CRABP2: variants seen among roughly 807,000 people sequenced by gnomAD.
The protein encoded by CRABP2 is cellular retinoic acid-binding protein 2.
Under a neutral mutation model 17.9 loss-of-function variants are expected in CRABP2, and 20 were observed. The ratio of observed to expected loss-of-function variants is 1.12; its 90% confidence interval spans 0.79 to 1.63. The LOEUF is 1.63. CRABP2 is among the 40% of genes most tolerant of loss of function. CRABP2 has a pLI of 0.00. For missense variants in CRABP2, 151 were observed against 168.6 expected (o/e 0.90, Z 0.58); for synonymous variants, 76 against 66.4 (o/e 1.14, Z -0.70).
rs1647999322 is a variant in CRABP2 at position 156,700,567 on chromosome 1, A to C, written c.341T>G (p.Leu114Arg). 6.2e-7 allele frequency: 1 copy of C among 1,613,944 alleles called. No homozygotes were observed. Among genetic ancestry groups the C allele is most frequent in the African/African-American group, 1.3e-5 (1 of 74,924 alleles). Residue 114 changes from leucine (L) to arginine (R), a missense_variant, in exon 3 of 4, where the codon CTG (leucine) becomes CGG (arginine). Transcript: ENST00000368222. ...EGPKTSWTRE[L>R]TNDGELILTM... Reference sequence around the variant, plus strand: ...CAGGATCAGTTCCCCATCGTTGGTCAGTTCTCTGGTCCACGAGGTCTTGGG... The same window carrying C: ...CAGGATCAGTTCCCCATCGTTGGTCCGTTCTCTGGTCCACGAGGTCTTGGG...
chr1:156,700,991 G>C lies in CRABP2; in HGVS notation c.132C>G (p.Ile44Met). 1 of 1,614,188 alleles carries C rather than the reference G, an allele frequency of 6.2e-7. No homozygotes were observed. Among genetic ancestry groups the C allele is most frequent in the Non-Finnish European group, 8.5e-7 (1 of 1,180,030 alleles). The change falls in exon 2 of 4, where the codon ATC (isoleucine) becomes ATG (methionine). Residue 44 changes from isoleucine to methionine, a missense_variant. Ile to Met is a conservative substitution (Grantham distance 10). Transcript: ENST00000368222. ...TGTAGAAAGTGTCTCCCTCCTGTTTGATCTCCACTGCTGGCTTGGACGCTG... is the reference window on the plus strand; with the variant it reads ...TGTAGAAAGTGTCTCCCTCCTGTTTCATCTCCACTGCTGGCTTGGACGCTG... ...VAAASKPAVE[I>M]KQEGDTFYIK...
At chr1:156,702,320 G>A (rs998428220) in intron 1 of CRABP2, among the ~76,000 whole-genome samples, 5 of 150,910 alleles carry the variant, frequency 3.3e-5, no homozygotes, top group Admixed American at 1.3e-4. Context: ...GCATAGTGGC[G>A]CGCACCTGTA....
rs773964617 is a variant in CRABP2, at chr1:156,701,047, T to G, written c.76A>C (p.Asn26His). 6.2e-7 allele frequency: 1 copy of G among 1,613,898 alleles called. No homozygotes were observed. The highest frequency in any genetic ancestry group is 1.3e-5 in the African/African-American group (1 of 74,910). Reference sequence around the variant, plus strand: ...ACAGCAATCTTCCTCAGCATCACATTCACCCCTGTGGGGAGAGAGGAGAGG... The same window carrying G: ...ACAGCAATCTTCCTCAGCATCACATGCACCCCTGTGGGGAGAGAGGAGAGG... ...FEELLKVLGV[N>H]VMLRKIAVAA... is the part of the protein sequence containing the mutation. Residue 26 changes from asparagine (N) to histidine (H), a missense_variant, in exon 2 of 4, where the codon AAT becomes CAT. Physicochemically the swap from Asn to His is moderately conservative, Grantham distance 68 (BLOSUM62 1). Transcript: ENST00000368222.
intron 2 of CRABP2, 80 bp downstream of exon 2, chr1:156,700,794 G>A: frequency 6.4e-7 from 1 of 1,559,430 alleles, no homozygotes; most frequent in Admixed American, 1.7e-5. Context: ...GAAGCTAGGA[G>A]TTAACTGCTA....
At chr1:156,700,170 C>T (rs913212378) in intron 3 of CRABP2, 94 bp from the exon 4 acceptor site, 7 of 1,311,630 alleles carry the variant, frequency 5.3e-6, no homozygotes, top group Non-Finnish European at 5.4e-6. Flanking sequence ...GCTTGGCCTC[C>T]AGGTCCAAAC....
At chr1:156,703,299 A>G (rs1277265809) in intron 1 of CRABP2, among the ~76,000 whole-genome samples, 2 of 152,120 alleles carry the variant, frequency 1.3e-5, no homozygotes, top group African/African-American at 4.8e-5. Flanking sequence ...GTGCACCTCC[A>G]TATCCCAGCC....
rs535113941 is a variant in CRABP2, at chr1:156,705,143, GA to G, written c.70+233del. On this transcript the variant is annotated intron_variant, in intron 1 of 3. Coordinates refer to ENST00000368222, the MANE Select transcript of CRABP2 (RefSeq NM_001878.4). The surrounding 1 kb of genome is among the most constrained non-coding windows in gnomAD (Gnocchi z 5.2). ...AACCTCGCGCTTCTGGTTTCTACGT[GA>G]TTCACAGGCCGTGAGTCACCGCAGT... Among the ~76,000 whole-genome samples the G allele has an allele frequency of 3.2e-4, 49 of 152,338 alleles. No individual in the cohort carries two copies. The highest frequency in any genetic ancestry group is 1.2e-3 in the African/African-American group (49 of 41,582).
chr1:156,700,552 T>A lies in CRABP2; in HGVS notation c.356A>T (p.Glu119Val). The A allele has an allele frequency of 6.2e-7, 1 of 1,613,536 alleles. No individual in the cohort carries two copies. Among genetic ancestry groups the A allele is most frequent in the Non-Finnish European group, 8.5e-7 (1 of 1,179,500 alleles). ...SWTRELTNDG[E>V]LILTMTADDV... ...GGAGGCAGGACTTACCAGGATCAGT[T>A]CCCCATCGTTGGTCAGTTCTCTGGT... The change falls in exon 3 of 4, where the codon GAA (glutamate) becomes GTA (valine). Residue 119 changes from glutamate to valine, a missense_variant. Glu to Val is a moderately radical substitution (Grantham distance 121). Coordinates refer to ENST00000368222, the MANE Select transcript of CRABP2 (RefSeq NM_001878.4).
chr1:156,702,146 G>A (rs1648055952), intron 1 of CRABP2, among the ~76,000 whole-genome samples: 1 of 151,894 alleles, frequency 6.6e-6, no homozygotes, highest in Admixed American at 6.6e-5. Context: ...GAGAGACCCT[G>A]TCTCAAAAAC....
At chr1:156,701,126 T>A in intron 1 of CRABP2, 74 bp from the exon 2 acceptor site, 1 of 1,519,202 alleles carries the variant, frequency 6.6e-7, no homozygotes, top group Non-Finnish European at 8.9e-7. Flanking sequence ...CATAAGACAG[T>A]TGGAGCAGGC....
chr1:156,700,997 C>T lies in CRABP2; in HGVS notation c.126G>A (p.Val42=), dbSNP rs1290108486. Residue 42 remains valine (V), a synonymous_variant, in exon 2 of 4, where the codon GTG becomes GTA. Transcript: ENST00000368222. ...IAVAAASKPA[V]EIKQEGDTFY... Reference sequence around the variant, plus strand: ...AAGTGTCTCCCTCCTGTTTGATCTCCACTGCTGGCTTGGACGCTGCAGCCA... The same window carrying T: ...AAGTGTCTCCCTCCTGTTTGATCTCTACTGCTGGCTTGGACGCTGCAGCCA... 1 of 1,614,208 alleles carries T rather than the reference C, an allele frequency of 6.2e-7. No homozygotes were observed. The highest frequency in any genetic ancestry group is 1.1e-5 in the South Asian group (1 of 91,090).
chr1:156,703,515 G>A (rs769738350), intron 1 of CRABP2, among the ~76,000 whole-genome samples: 8 of 152,130 alleles, frequency 5.3e-5, no homozygotes, highest in Admixed American at 1.3e-4. Context: ...GGGGTGAAAG[G>A]GCCCTCTGCC....
rs12041913 is a variant in CRABP2 at position 156,699,839 on chromosome 1, G to A, written c.*187C>T. On this transcript the variant is annotated 3_prime_UTR_variant, in exon 4 of 4. Coordinates refer to ENST00000368222, the MANE Select transcript of CRABP2 (RefSeq NM_001878.4). ...CTCTTGCAGCCATTCCTCTTTGTTG[G>A]TGTAGGGGAGGAGAGAAGAGGTCAA... 14,794 of 591,504 alleles carry A rather than the reference G, an allele frequency of 0.025. 923 individuals are homozygous for A. Among genetic ancestry groups the A allele is most frequent in the East Asian group, 0.16 (5,581 of 34,158 alleles). 36.6% of individuals were successfully genotyped at this position (591,504 alleles called of 1,614,324 possible).
At chr1:156,700,217 T>G (rs1571479389) in intron 3 of CRABP2, 141 bp from the exon 4 acceptor site, 1 of 828,286 alleles carries the variant, frequency 1.2e-6, no homozygotes, top group South Asian at 1.6e-5. Flanking sequence ...CAGGAGCTGG[T>G]CCCAGAATGC....
In CRABP2 at chr1:156,700,549, A is replaced by T. The variant is rs1647997805; in HGVS notation, c.359T>A (p.Leu120Gln). The change falls in exon 3 of 4, where the codon CTG (leucine) becomes CAG (glutamine). Residue 120 changes from leucine to glutamine, a missense_variant. Transcript: ENST00000368222. ...GGAGGAGGCAGGACTTACCAGGATCAGTTCCCCATCGTTGGTCAGTTCTCT... is the reference window on the plus strand; with the variant it reads ...GGAGGAGGCAGGACTTACCAGGATCTGTTCCCCATCGTTGGTCAGTTCTCT... ...WTRELTNDGE[L>Q]ILTMTADDVV... is the part of the protein sequence containing the mutation. 3.1e-6 allele frequency: 5 copies of T among 1,613,236 alleles called. No individual in the cohort carries two copies. Among genetic ancestry groups the T allele is most frequent in the South Asian group, 1.1e-5 (1 of 91,070 alleles).
rs1648158442 is a variant in CRABP2, at chr1:156,705,203, G to A, written c.70+174C>T. Among the ~76,000 whole-genome samples, 1 of 152,228 alleles carries A rather than the reference G, an allele frequency of 6.6e-6. No homozygotes were observed. The highest frequency in any genetic ancestry group is 2.1e-4 in the South Asian group (1 of 4,834). On this transcript the variant is annotated intron_variant, in intron 1 of 3. Coordinates refer to ENST00000368222, the MANE Select transcript of CRABP2 (RefSeq NM_001878.4). This position sits in a 1 kb window ranked among gnomAD's most constrained non-coding sequence, Gnocchi z 5.2. ...CGGTGGGCCCCCGCAGGAGAAAGCG[G>A]GATTTAGGCGTCGTGCCCAGAGCCC...
At chr1:156,701,732 TG>T (rs1350730062) in intron 1 of CRABP2, among the ~76,000 whole-genome samples, 1 of 152,176 alleles carries the variant, frequency 6.6e-6, no homozygotes, top group Non-Finnish European at 1.5e-5. Context: ...TCCAGGAGGC[TG>T]TGATTTCCTC....
intron 1 of CRABP2, among the ~76,000 whole-genome samples, chr1:156,704,538 A>C (rs1374453612): frequency 6.6e-6 from 1 of 152,196 alleles, no homozygotes; most frequent in Non-Finnish European, 1.5e-5. Flanking sequence ...GTTGGCCCAG[A>C]GGGCACACAG....
Position 156,700,660 on chromosome 1 carries a change from T to G in CRABP2, c.250-2A>C. On this transcript the variant is annotated splice_acceptor_variant, in intron 2 of 3. Transcript: ENST00000368222. LOFTEE classifies it high-confidence loss of function. ...CTCACTCTCCCATTTCACCAGGCTC[T>G]GCAAGAGACAGGTGGCCAAGTGAGC... The G allele has an allele frequency of 6.2e-7, 1 of 1,613,710 alleles. No individual in the cohort carries two copies. The highest frequency in any genetic ancestry group is 8.5e-7 in the Non-Finnish European group (1 of 1,179,616).
Sources: allele counts gnomAD v4.1 joint callset (sites outside exome capture counted in the v4.1 genomes callset), GRCh38; gene constraint gnomAD v4.1.1; non-coding constraint Gnocchi (gnomAD v3.1); transcripts MANE v1.5; gene names NCBI Gene and HGNC (gene_info 2026-07-23, HGNC 2026-07-21).